Variants in NINL observed in about 807,000 individuals in gnomAD.
The protein encoded by NINL is ninein like.
NINL carries 153 observed loss-of-function variants against 160.3 expected under a neutral mutation model. The ratio of observed to expected loss-of-function variants is 0.95; its 90% CI spans 0.84 to 1.09. The LOEUF is 1.09. NINL is among the 50% of genes least tolerant of loss of function. NINL has a pLI of 0.00. For synonymous variants in NINL, 800 were observed against 734.8 expected (o/e 1.09, Z -1.43); for missense variants, 1,829 against 1,764.0 (o/e 1.04, Z -0.66).
chr20:25,513,528 T>C (rs554772659), intron 3 of NINL, among the ~76,000 whole-genome samples: 1 of 151,342 alleles, frequency 6.6e-6, no homozygotes, highest in African/African-American at 2.4e-5. Context: ...GCAGGCACCA[T>C]CAAGGACTGG....
chr20:25,559,088 T>A (rs1370486226), intron 1 of NINL, among the ~76,000 whole-genome samples: 3 of 151,908 alleles, frequency 2.0e-5, no homozygotes, highest in Admixed American at 6.5e-5. Flanking sequence ...TTGCTCAACC[T>A]AAGTGATTAT....
At chr20:25,565,450 C>A (rs1286086516) in intron 1 of NINL, among the ~76,000 whole-genome samples, 1 of 151,900 alleles carries the variant, frequency 6.6e-6, no homozygotes, top group Non-Finnish European at 1.5e-5. Context: ...GACAGGCAGG[C>A]AGGCAAAGAA....
chr20:25,576,284 A>G (rs2065114582), intron 1 of NINL, among the ~76,000 whole-genome samples: 1 of 152,116 alleles, frequency 6.6e-6, no homozygotes, highest in South Asian at 2.1e-4. Flanking sequence ...TGTCTGCACA[A>G]TTAGATTCAA....
chr20:25,538,668 G>A (rs557459268), intron 1 of NINL, among the ~76,000 whole-genome samples: 18 of 152,240 alleles, frequency 1.2e-4, no homozygotes, highest in African/African-American at 3.4e-4. Flanking sequence ...AAGGGCTGGC[G>A]AGCACAGAAC....
At chr20:25,479,245 C>G in intron 15 of NINL, 39 bp from the exon 16 acceptor site, 4 of 1,554,970 alleles carry the variant, frequency 2.6e-6, no homozygotes, top group Non-Finnish European at 3.5e-6. Context: ...CCAGGAGACC[C>G]TAAGAATGAT....
At chr20:25,527,303 G>A (rs901454019) in intron 1 of NINL, among the ~76,000 whole-genome samples, 6 of 151,972 alleles carry the variant, frequency 3.9e-5, no homozygotes, top group Admixed American at 6.5e-5. Flanking sequence ...ACAGGTGCAC[G>A]CCACCACTCC....
At position 25,518,372 on chromosome 20, in the gene NINL, T is replaced by G. The variant is rs534291300; in HGVS notation, c.181-523A>C. Among the ~76,000 whole-genome samples, 253 of 152,360 alleles carry G rather than the reference T, an allele frequency of 1.7e-3. 2 individuals are homozygous for G. The highest frequency in any genetic ancestry group is 2.9e-3 in the Non-Finnish European group (200 of 68,034). ...AGGAGGGGATTGCTGGGCCATAGAA[T>G]GTGCCCTATTGGCACATTCCCTTGG... is the stretch of plus-strand genomic sequence containing the variant. On this transcript the variant is annotated intron_variant, in intron 2 of 23. Coordinates refer to ENST00000278886, the MANE Select transcript of NINL (RefSeq NM_025176.6).
At chr20:25,541,979 A>G (rs900681888) in intron 1 of NINL, among the ~76,000 whole-genome samples, 2 of 152,230 alleles carry the variant, frequency 1.3e-5, no homozygotes, top group African/African-American at 2.4e-5. Flanking sequence ...AACTATTTCA[A>G]AACTCTGGAA....
At chr20:25,578,389 T>C (rs1030835252) in intron 1 of NINL, among the ~76,000 whole-genome samples, 3 of 152,048 alleles carry the variant, frequency 2.0e-5, no homozygotes, top group Non-Finnish European at 2.9e-5. Context: ...ATTACAGGTA[T>C]AAGCCACCTC....
chr20:25,508,079 T>C (rs2063996384), intron 5 of NINL, among the ~76,000 whole-genome samples: 1 of 152,214 alleles, frequency 6.6e-6, no homozygotes, highest in Admixed American at 6.5e-5. Flanking sequence ...AGTTCAAGGA[T>C]GTAAGACACG....
intron 3 of NINL, among the ~76,000 whole-genome samples, chr20:25,515,572 G>A (rs8115742): frequency 0.099 from 15,109 of 152,054 alleles, 1,275 homozygotes; most frequent in African/African-American, 0.23. Flanking sequence ...GAGATTTTGC[G>A]GGGGGTGTGC....
chr20:25,472,255 G>C (rs563959964), intron 17 of NINL, among the ~76,000 whole-genome samples: 47 of 148,892 alleles, frequency 3.2e-4, no homozygotes, highest in Non-Finnish European at 6.4e-4. Context: ...ATATAAAAGA[G>C]AGGTTGAGAC....
At chr20:25,496,526 T>C (rs890763726) in intron 10 of NINL, 137 bp downstream of exon 10, 5 of 1,040,854 alleles carry the variant, frequency 4.8e-6, no homozygotes, top group African/African-American at 3.2e-5. Flanking sequence ...GGATTCCCCC[T>C]GACTCAGGTG....
chr20:25,518,938 A>C (rs573796080), intron 2 of NINL, among the ~76,000 whole-genome samples: 40 of 152,208 alleles, frequency 2.6e-4, no homozygotes, highest in African/African-American at 9.2e-4. Context: ...TCTCTGCTAA[A>C]AATTCAAAAA....
chr20:25,516,505 G>A (rs528081612), intron 3 of NINL, among the ~76,000 whole-genome samples: 7 of 152,136 alleles, frequency 4.6e-5, no homozygotes, highest in Admixed American at 2.0e-4. Context: ...GCTTAGATGC[G>A]CCCACCATGC....
At chr20:25,562,009 G>A (rs1288092451) in intron 1 of NINL, among the ~76,000 whole-genome samples, 19 of 131,356 alleles carry the variant, frequency 1.4e-4, no homozygotes, top group South Asian at 2.5e-4. Flanking sequence ...GCCTCTGCCC[G>A]GCCGCCCCTA....
Position 25,455,723 on chromosome 20 carries a change from T to C in NINL, c.3907A>G (p.Lys1303Glu), listed in dbSNP as rs1483691072. The C allele has an allele frequency of 6.2e-7, 1 of 1,614,188 alleles. No individual in the cohort carries two copies. Among genetic ancestry groups the C allele is most frequent in the Middle Eastern group, 1.6e-4 (1 of 6,062 alleles). The change falls in exon 23 of 24, where the codon AAG becomes GAG. Residue 1303 changes from lysine (K) to glutamate (E), a missense_variant. Transcript: ENST00000278886. ...ERVEEAEMIL[K>E]NMEMLLQEKV... is the part of the protein sequence containing the mutation. Reference sequence around the variant, plus strand: ...TCTTGGAGGAGCATTTCCATATTCTTCAGAATCATCTCCGCCTCTTCCACC... The same window carrying C: ...TCTTGGAGGAGCATTTCCATATTCTCCAGAATCATCTCCGCCTCTTCCACC...
chr20:25,500,695 A>G (rs1302776040), intron 8 of NINL, 145 bp downstream of exon 8: 1 of 680,882 alleles, frequency 1.5e-6, no homozygotes. Flanking sequence ...ATAGGTTTCT[A>G]CCTGGACTTC....
chr20:25,519,166 A>G (rs912707827), intron 2 of NINL, among the ~76,000 whole-genome samples: 6 of 152,006 alleles, frequency 3.9e-5, no homozygotes, highest in African/African-American at 1.4e-4. Flanking sequence ...CTAAAATTAC[A>G]ACATCCATTC....
Sources: gnomAD v4.1 joint callset for allele counts (sites outside exome capture counted in the v4.1 genomes callset) on GRCh38, gnomAD v4.1.1 for gene constraint, MANE v1.5 for transcripts, NCBI Gene and HGNC (gene_info 2026-07-23, HGNC 2026-07-21) for gene names.